The following KBTBD11 variants were observed in gnomAD, a reference collection of about 807,000 sequenced individuals.
KBTBD11 encodes the protein kelch repeat and BTB domain-containing protein 11.
For missense variants in KBTBD11, 1,390 were observed against 1,001.8 expected (o/e 1.39, Z -5.23); for synonymous variants, 747 against 499.0 (o/e 1.50, Z -6.63).
chr8:1,982,804 G>A (rs1279023546), intron 1 of KBTBD11, among the ~76,000 whole-genome samples: 1 of 150,954 alleles, frequency 6.6e-6, no homozygotes, highest in Non-Finnish European at 1.5e-5. Flanking sequence ...GTGCAGTGGT[G>A]TGATCTCAGC....
chr8:1,985,074 A>G (rs1182861643), intron 1 of KBTBD11, among the ~76,000 whole-genome samples: 1 of 152,232 alleles, frequency 6.6e-6, no homozygotes, highest in Non-Finnish European at 1.5e-5. Flanking sequence ...AAGCCCCTGT[A>G]CAAAATCAGA....
chr8:1,976,796 A>C (rs1436664000), intron 1 of KBTBD11, among the ~76,000 whole-genome samples: 2 of 152,200 alleles, frequency 1.3e-5, no homozygotes, highest in African/African-American at 2.4e-5. Context: ...GCCGAGAACT[A>C]AGGGATGAGA....
Position 2,001,329 on chromosome 8 carries a change from G to T in KBTBD11, c.137G>T (p.Gly46Val). ...SLGASLCFSS[G>V]EESPPQSLAS... is the part of the protein sequence containing the mutation. ...GGCGCGTCCCTGTGCTTCAGCTCCGGGGAAGAGTCCCCGCCGCAGTCCCTC... is the reference window on the plus strand; with the variant it reads ...GGCGCGTCCCTGTGCTTCAGCTCCGTGGAAGAGTCCCCGCCGCAGTCCCTC... Residue 46 changes from glycine to valine, a missense_variant, in exon 2 of 2, where the codon GGG becomes GTG. Coordinates refer to ENST00000320248, the MANE Select transcript of KBTBD11 (RefSeq NM_014867.3). The T allele has an allele frequency of 1.3e-6, 2 of 1,516,138 alleles. No homozygotes were observed. Among genetic ancestry groups the T allele is most frequent in the Non-Finnish European group, 1.8e-6 (2 of 1,139,936 alleles). The allele number at this position is 1,516,138 out of a possible 1,614,324, so 93.9% of individuals were successfully genotyped here. A position where few individuals can be genotyped will look rare whatever the true frequency, so the allele number is the denominator to read the frequency against.
At chr8:1,984,399 C>T (rs545726621) in intron 1 of KBTBD11, among the ~76,000 whole-genome samples, 1 of 150,682 alleles carries the variant, frequency 6.6e-6, no homozygotes, top group South Asian at 2.1e-4. Flanking sequence ...CGCCGTTCTC[C>T]TGCCTCAGCC....
chr8:1,997,855 C>G (rs532795292), intron 1 of KBTBD11, among the ~76,000 whole-genome samples: 96 of 152,292 alleles, frequency 6.3e-4, no homozygotes, highest in African/African-American at 2.2e-3. Context: ...CCAAAGGGCA[C>G]GCAGGGGGAC....
chr8:1,981,126 G>C (rs551868603), intron 1 of KBTBD11, among the ~76,000 whole-genome samples: 2 of 152,314 alleles, frequency 1.3e-5, no homozygotes, highest in South Asian at 2.1e-4. Context: ...AGAGAGAGTA[G>C]GGTGATCTAT....
At chr8:1,997,589 T>C (rs1817190281) in intron 1 of KBTBD11, among the ~76,000 whole-genome samples, 2 of 152,164 alleles carry the variant, frequency 1.3e-5, no homozygotes, top group South Asian at 4.1e-4. Context: ...CAGAGCCTCC[T>C]AGAGGGGCGG....
intron 1 of KBTBD11, among the ~76,000 whole-genome samples, chr8:1,989,185 G>C (rs1251314538): frequency 1.3e-5 from 2 of 152,106 alleles, no homozygotes; most frequent in Admixed American, 1.3e-4. Context: ...TTCTTGAGTC[G>C]GGCCACAGGG....
At position 2,003,299 on chromosome 8, in the gene KBTBD11, C is replaced by A. The variant is rs993784071; in HGVS notation, c.*235C>A. ...ACCCAGGAGGTGTGCGGATGGGTCC[C>A]TTGACAGACAGGACACAGAGAAGGC... On this transcript the variant is annotated 3_prime_UTR_variant, in exon 2 of 2. Coordinates refer to ENST00000320248, the MANE Select transcript of KBTBD11 (RefSeq NM_014867.3). 5.9e-6 allele frequency: 3 copies of A among 504,276 alleles called. No homozygotes were observed. The highest frequency in any genetic ancestry group is 4.7e-5 in the Admixed American group (1 of 21,372). The allele number at this position is 504,276 out of a possible 1,614,324, so 31.2% of individuals were successfully genotyped here.
Position 2,002,231 on chromosome 8 carries a change from G to A in KBTBD11, c.1039G>A (p.Ala347Thr), listed in dbSNP as rs1453411897. 3 of 1,269,324 alleles carry A rather than the reference G, an allele frequency of 2.4e-6. No homozygotes were observed. The highest frequency in any genetic ancestry group is 2.6e-5 in the South Asian group (1 of 38,886). 78.6% of individuals were successfully genotyped at this position (1,269,324 alleles called of 1,614,324 possible). ...WRELTRLPEG[A>T]PARGCGLCVL... Reference sequence around the variant, plus strand: ...CGAGCTGACGCGGCTGCCCGAGGGCGCGCCGGCGCGGGGCTGCGGCCTGTG... The same window carrying A: ...CGAGCTGACGCGGCTGCCCGAGGGCACGCCGGCGCGGGGCTGCGGCCTGTG... Residue 347 changes from alanine (A) to threonine (T), a missense_variant, in exon 2 of 2, where the codon GCG becomes ACG. Physicochemically the swap from Ala to Thr is moderately conservative, Grantham distance 58 (BLOSUM62 0). Coordinates refer to ENST00000320248, the MANE Select transcript of KBTBD11 (RefSeq NM_014867.3). The surrounding 1 kb of genome is among the most constrained non-coding windows in gnomAD (Gnocchi z 4.1).
intron 1 of KBTBD11, among the ~76,000 whole-genome samples, chr8:1,988,488 G>A (rs559244910): frequency 1.4e-4 from 21 of 152,312 alleles, no homozygotes; most frequent in Non-Finnish European, 2.8e-4. Context: ...GCCAGTGATG[G>A]TGAGCATTTT....
rs543850877 is a variant in KBTBD11 at position 1,978,577 on chromosome 8, G to C, written c.-909+4642G>C. Among the ~76,000 whole-genome samples the C allele has an allele frequency of 5.3e-5, 8 of 152,332 alleles. No individual in the cohort carries two copies. The East Asian group carries it at 1.5e-3, about 29-fold the overall frequency. ...CCACGGACTGTGACCTGAGAAAACAGCCAGGTGGAACCGGGTCACCTTTCT... is the reference window on the plus strand; with the variant it reads ...CCACGGACTGTGACCTGAGAAAACACCCAGGTGGAACCGGGTCACCTTTCT... On this transcript the variant is annotated intron_variant, in intron 1 of 1. Transcript: ENST00000320248.
intron 1 of KBTBD11, among the ~76,000 whole-genome samples, chr8:1,985,847 A>G (rs1424489431): frequency 6.6e-6 from 1 of 152,204 alleles, no homozygotes; most frequent in South Asian, 2.1e-4. Context: ...TATAAATCAT[A>G]TTTAGTGAGA....
intron 1 of KBTBD11, among the ~76,000 whole-genome samples, chr8:1,980,621 G>T (rs367815056): frequency 3.9e-4 from 60 of 152,226 alleles, no homozygotes; most frequent in Non-Finnish European, 8.2e-4. Flanking sequence ...CTTCTGCATC[G>T]GGCTGTGGCA....
chr8:1,996,559 C>T (rs777010273), intron 1 of KBTBD11, among the ~76,000 whole-genome samples: 7 of 152,136 alleles, frequency 4.6e-5, no homozygotes, highest in South Asian at 2.1e-4. Context: ...TGAGCCACCG[C>T]GCCTGGCTGA....
Position 2,002,124 on chromosome 8 carries a change from G to A in KBTBD11, c.932G>A (p.Arg311Gln). 1 of 1,121,322 alleles carries A rather than the reference G, an allele frequency of 8.9e-7. No homozygotes were observed. The highest frequency in any genetic ancestry group is 1.1e-6 in the Non-Finnish European group (1 of 919,702). The allele number at this position is 1,121,322 out of a possible 1,614,324, so 69.5% of individuals were successfully genotyped here. ...LGPAGERAGS[R>Q]PQSPSGDADA... ...CCGGCGGGGGAGCGCGCGGGCAGCC[G>A]GCCTCAGAGCCCCTCGGGGGACGCG... is the stretch of plus-strand genomic sequence containing the variant. The change falls in exon 2 of 2, where the codon CGG becomes CAG. Residue 311 changes from arginine (R) to glutamine (Q), a missense_variant. Arg to Gln is a conservative substitution (Grantham distance 43). Transcript: ENST00000320248. The surrounding 1 kb of genome is among the most constrained non-coding windows in gnomAD (Gnocchi z 4.1).
intron 1 of KBTBD11, 183 bp downstream of exon 1, chr8:1,974,118 G>A (rs62478190): frequency 8.2e-5 from 10 of 122,314 alleles, no homozygotes; most frequent in East Asian, 3.1e-4. Context: ...GGGGAGGGAG[G>A]GGAGCGGAGC....
At chr8:1,984,955 G>C (rs968335578) in intron 1 of KBTBD11, among the ~76,000 whole-genome samples, 1 of 152,186 alleles carries the variant, frequency 6.6e-6, no homozygotes, top group Non-Finnish European at 1.5e-5. Flanking sequence ...GAGTCGCTGC[G>C]ATTACAAGGT....
In KBTBD11 at chr8:1,973,956, G is replaced by A. The variant is rs938791797; in HGVS notation, c.-909+21G>A. ...GCGAGGTAGGGCGGACCCCGGGGAG[G>A]CAGCGGCGGGGCCTGGCGGGCGGAG... is the stretch of plus-strand genomic sequence containing the variant. On this transcript the variant is annotated intron_variant, in intron 1 of 1. Coordinates refer to ENST00000320248, the MANE Select transcript of KBTBD11 (RefSeq NM_014867.3). 3.4e-5 allele frequency: 33 copies of A among 983,112 alleles called. No individual in the cohort carries two copies. The African/African-American group carries it at 5.4e-4, about 16-fold the overall frequency. 60.9% of individuals were successfully genotyped at this position (983,112 alleles called of 1,614,324 possible). A position where few individuals can be genotyped will look rare whatever the true frequency, so the allele number is the denominator to read the frequency against.
Sources: allele counts gnomAD v4.1 joint callset (sites outside exome capture counted in the v4.1 genomes callset), GRCh38; gene constraint gnomAD v4.1.1; non-coding constraint Gnocchi (gnomAD v3.1); transcripts MANE v1.5; gene names NCBI Gene and HGNC (gene_info 2026-07-23, HGNC 2026-07-21).